DLGAP1: variants seen among roughly 807,000 people sequenced by gnomAD.
DLGAP1 encodes DLG associated protein 1, also known as disks large-associated protein 1.
DLGAP1 carries 11 observed loss-of-function variants against 90.8 expected under a neutral mutation model. The observed-to-expected ratio is 0.12, with a 90% confidence interval of 0.08 to 0.20. The LOEUF (loss-of-function observed/expected upper bound fraction) is 0.20. Among genes scored for constraint, DLGAP1 ranks in the 10% least tolerant of loss-of-function variants. The pLI is 1.00. For missense variants in DLGAP1, 1,050 were observed against 1,333.8 expected (o/e 0.79, Z 3.31); for synonymous variants, 558 against 540.7 (o/e 1.03, Z -0.44).
chr18:3,664,224 A>C (rs1039760810), intron 7 of DLGAP1, among the ~76,000 whole-genome samples: 21 of 150,662 alleles, frequency 1.4e-4, no homozygotes, highest in Admixed American at 8.6e-4. Context: ...ACACCCACAC[A>C]CACACACACA....
intron 7 of DLGAP1, among the ~76,000 whole-genome samples, chr18:3,583,168 ACCTACCTACCTACCTACCTT>A (rs1276237046): frequency 7.9e-6 from 1 of 126,994 alleles, no homozygotes; most frequent in Non-Finnish European, 1.7e-5. Context: ...CTACCTACCT[ACCTACCTACCTACCTACCTT>A]CCTTCCTTCC....
intron 7 of DLGAP1, among the ~76,000 whole-genome samples, chr18:3,645,091 T>C (rs1263541335): frequency 6.6e-6 from 1 of 152,100 alleles, no homozygotes; most frequent in Non-Finnish European, 1.5e-5. Flanking sequence ...TTCCCTCGTA[T>C]TTTAATTTTT....
intron 1 of DLGAP1, among the ~76,000 whole-genome samples, chr18:4,429,567 C>G (rs1484339569): frequency 6.6e-6 from 1 of 152,110 alleles, no homozygotes; most frequent in Non-Finnish European, 1.5e-5. Context: ...AATTAAGAAG[C>G]CTGGTGACAC....
At chr18:3,666,672 C>G (rs552183107) in intron 7 of DLGAP1, among the ~76,000 whole-genome samples, 1 of 152,208 alleles carries the variant, frequency 6.6e-6, no homozygotes, top group Non-Finnish European at 1.5e-5. Context: ...CCATCCTTAG[C>G]AGAATCTCCT....
At chr18:3,882,310 G>A (rs1185797830) in intron 3 of DLGAP1, among the ~76,000 whole-genome samples, 2 of 152,014 alleles carry the variant, frequency 1.3e-5, no homozygotes, top group African/African-American at 2.4e-5. Flanking sequence ...GCCAAGGTTG[G>A]AGAATCGCTT....
At chr18:4,329,578 G>A (rs116184926) in intron 1 of DLGAP1, among the ~76,000 whole-genome samples, 26 of 151,774 alleles carry the variant, frequency 1.7e-4, no homozygotes, top group African/African-American at 5.5e-4. Flanking sequence ...TGAAACTATC[G>A]ATCACTTTGA....
chr18:4,310,716 G>C (rs560517869), intron 1 of DLGAP1, among the ~76,000 whole-genome samples: 1 of 152,286 alleles, frequency 6.6e-6, no homozygotes, highest in East Asian at 1.9e-4. Flanking sequence ...CAGTAGGTAA[G>C]AGCACAAGAT....
At chr18:4,113,879 A>G (rs2076015616) in intron 2 of DLGAP1, among the ~76,000 whole-genome samples, 1 of 152,022 alleles carries the variant, frequency 6.6e-6, no homozygotes, top group South Asian at 2.1e-4. Context: ...TCCTTTTCCC[A>G]CTGCTTATTT....
chr18:4,177,504 G>A (rs1462231814), intron 1 of DLGAP1, among the ~76,000 whole-genome samples: 2 of 152,016 alleles, frequency 1.3e-5, no homozygotes, highest in Non-Finnish European at 2.9e-5. Context: ...TGCATTTGCA[G>A]GTTTGTTATA....
intron 2 of DLGAP1, among the ~76,000 whole-genome samples, chr18:4,098,629 T>C (rs2075723722): frequency 6.6e-6 from 1 of 152,058 alleles, no homozygotes; most frequent in South Asian, 2.1e-4. Flanking sequence ...TTTTAAGCTA[T>C]TGAGAAAACC....
intron 2 of DLGAP1, among the ~76,000 whole-genome samples, chr18:4,150,248 T>C (rs570856832): frequency 6.6e-6 from 1 of 152,318 alleles, no homozygotes; most frequent in South Asian, 2.1e-4. Context: ...AATATGAATC[T>C]CCTTCTGATC....
chr18:4,121,677 T>G (rs986802497), intron 2 of DLGAP1, among the ~76,000 whole-genome samples: 1 of 152,146 alleles, frequency 6.6e-6, no homozygotes. Context: ...TCCCACTTGC[T>G]CATGCCATAC....
intron 4 of DLGAP1, among the ~76,000 whole-genome samples, chr18:3,819,245 G>C (rs1321142775): frequency 6.6e-6 from 1 of 151,992 alleles, no homozygotes; most frequent in Non-Finnish European, 1.5e-5. Context: ...GGGAGGCGGA[G>C]GTTGCAGTGA....
chr18:4,045,432 C>CAAAAAAAAAAAAAAAAAAAAA lies in DLGAP1; in HGVS notation c.-158-40252_-158-40232dup. Among the ~76,000 whole-genome samples, 63 of 29,194 alleles carry CAAAAAAAAAAAAAAAAAAAAA rather than the reference C, an allele frequency of 2.2e-3. 12 individuals are homozygous for CAAAAAAAAAAAAAAAAAAAAA. Among genetic ancestry groups the CAAAAAAAAAAAAAAAAAAAAA allele is most frequent in the African/African-American group, 3.5e-3 (28 of 8,102 alleles). The allele number at this position is 29,194 out of a possible 152,430, so 19.2% of individuals were successfully genotyped here. On this transcript the variant is annotated intron_variant, in intron 2 of 12. Coordinates refer to ENST00000315677, the MANE Select transcript of DLGAP1 (RefSeq NM_004746.4). Reference sequence around the variant, plus strand: ...GTAACATAGAAAGACCCCATCTCTACAAAAAAAAAAAAAAAAAAAAAAAAA... The same window carrying CAAAAAAAAAAAAAAAAAAAAA: ...GTAACATAGAAAGACCCCATCTCTACAAAAAAAAAAAAAAAAAAAAAAAAAAAAAAAAAAAAAAAAAAAAAA...
intron 4 of DLGAP1, chr18:3,874,877 A>C: frequency 1.2e-6 from 1 of 867,692 alleles, no homozygotes. Flanking sequence ...TCATAATACA[A>C]TTGACCGTAT....
rs141549716 is a variant in DLGAP1 at position 4,131,788 on chromosome 18, T to C, written c.-159+19392A>G. On this transcript the variant is annotated intron_variant, in intron 2 of 12. Coordinates refer to ENST00000315677, the MANE Select transcript of DLGAP1 (RefSeq NM_004746.4). ...TAGCCATAGGCACAAATTTAAGTGA[T>C]AGCGTAAAGAAATCTATAACTGTTT... Among the ~76,000 whole-genome samples, 17 of 152,296 alleles carry C rather than the reference T, an allele frequency of 1.1e-4. No individual in the cohort carries two copies. In the East Asian group the frequency reaches 2.5e-3, roughly 22 times the overall value.
At chr18:3,609,399 AT>A (rs1372878002) in intron 7 of DLGAP1, among the ~76,000 whole-genome samples, 1 of 152,112 alleles carries the variant, frequency 6.6e-6, no homozygotes, top group Non-Finnish European at 1.5e-5. Flanking sequence ...TGTTAAATAA[AT>A]TTGCTTATTT....
intron 2 of DLGAP1, among the ~76,000 whole-genome samples, chr18:4,078,860 C>T (rs2075563032): frequency 6.6e-6 from 1 of 152,168 alleles, no homozygotes; most frequent in East Asian, 1.9e-4. Flanking sequence ...GGCTTATAGC[C>T]CTGTGATAAT....
intron 11 of DLGAP1, among the ~76,000 whole-genome samples, chr18:3,504,658 C>T (rs1342874308): frequency 2.0e-5 from 3 of 152,132 alleles, no homozygotes; most frequent in Non-Finnish European, 4.4e-5. Flanking sequence ...GCTGGGATTA[C>T]AGGTACAAGC....
Sources: gnomAD v4.1 joint callset for allele counts (sites outside exome capture counted in the v4.1 genomes callset) on GRCh38, gnomAD v4.1.1 for gene constraint, MANE v1.5 for transcripts, NCBI Gene and HGNC (gene_info 2026-07-23, HGNC 2026-07-21) for gene names.